The following ANKS1B variants were observed in gnomAD, a reference collection of about 807,000 sequenced individuals.
The protein encoded by ANKS1B is ankyrin repeat and sterile alpha motif domain-containing protein 1B.
Under a neutral mutation model 148.3 loss-of-function variants are expected in ANKS1B, and 36 were observed. That is an observed-to-expected ratio of 0.24 (90% confidence interval 0.19 to 0.32). The LOEUF (loss-of-function observed/expected upper bound fraction) is 0.32, where lower values mean the gene tolerates loss of function less well. Among genes scored for constraint, ANKS1B ranks in the 10% least tolerant of loss-of-function variants. The pLI is 1.00. For synonymous variants in ANKS1B, 542 were observed against 560.8 expected, an observed-to-expected ratio of 0.97 and a Z score of 0.47; for missense variants, 1,157 against 1,542.6, an observed-to-expected ratio of 0.75 and a Z score of 4.19.
At chr12:99,690,800 G>GGTGCACAGTGCAAGCTGTA (rs2098675195) in intron 8 of ANKS1B, among the ~76,000 whole-genome samples, 1 of 152,134 alleles carries the variant, frequency 6.6e-6, no homozygotes, top group South Asian at 2.1e-4. Context: ...CTATGATTCC[G>GGTGCACAGTGCAAGCTGTA]AGGTTTGGAG....
chr12:99,348,213 C>T (rs552440895), intron 12 of ANKS1B, among the ~76,000 whole-genome samples: 1 of 151,924 alleles, frequency 6.6e-6, no homozygotes, highest in East Asian at 1.9e-4. Flanking sequence ...TATCATTAAG[C>T]ATATCTACCT....
At chr12:99,605,482 C>A (rs1323575403) in intron 9 of ANKS1B, among the ~76,000 whole-genome samples, 1 of 151,982 alleles carries the variant, frequency 6.6e-6, no homozygotes, top group African/African-American at 2.4e-5. Context: ...CCTCATTTTC[C>A]TCTCCCCTCT....
At chr12:99,675,702 T>A (rs185899675) in intron 8 of ANKS1B, among the ~76,000 whole-genome samples, 1 of 152,072 alleles carries the variant, frequency 6.6e-6, no homozygotes, top group East Asian at 1.9e-4. Flanking sequence ...AAAGATTTTT[T>A]ACTCAAGGAT....
intron 2 of ANKS1B, among the ~76,000 whole-genome samples, chr12:99,823,413 C>T (rs569905433): frequency 2.6e-5 from 4 of 152,290 alleles, no homozygotes; most frequent in Non-Finnish European, 5.9e-5. Flanking sequence ...TCAAGCGATT[C>T]TCCTGCCTCA....
chr12:99,606,576 G>A (rs991110181), intron 9 of ANKS1B, among the ~76,000 whole-genome samples: 6 of 151,844 alleles, frequency 4.0e-5, no homozygotes, highest in African/African-American at 7.2e-5. Flanking sequence ...AAAAGAAGAC[G>A]CCAAAGTACA....
intron 10 of ANKS1B, among the ~76,000 whole-genome samples, chr12:99,444,655 C>T (rs2095607168): frequency 6.6e-6 from 1 of 151,818 alleles, no homozygotes; most frequent in Admixed American, 6.6e-5. Flanking sequence ...ATTTTAACAA[C>T]AATTTGGCAA....
At chr12:99,154,843 C>T in intron 14 of ANKS1B, 1 of 1,528,498 alleles carries the variant, frequency 6.5e-7, no homozygotes, top group Non-Finnish European at 8.7e-7. Flanking sequence ...CCTTGCTCCC[C>T]CTCGCTCGCT....
intron 15 of ANKS1B, among the ~76,000 whole-genome samples, chr12:99,149,621 G>C (rs2074292014): frequency 6.6e-6 from 1 of 152,090 alleles, no homozygotes; most frequent in Non-Finnish European, 1.5e-5. Context: ...CTCCCATTTT[G>C]ATTAGTTTAT....
At chr12:98,828,080 C>T (rs937420469) in intron 19 of ANKS1B, among the ~76,000 whole-genome samples, 1 of 152,062 alleles carries the variant, frequency 6.6e-6, no homozygotes, top group African/African-American at 2.4e-5. Flanking sequence ...TTTTCCATCC[C>T]CTTTCAATAA....
At chr12:99,182,471 C>T (rs1162597983) in intron 14 of ANKS1B, among the ~76,000 whole-genome samples, 1 of 152,182 alleles carries the variant, frequency 6.6e-6, no homozygotes, top group South Asian at 2.1e-4. Flanking sequence ...CCTGTTCCAT[C>T]GTTGTTGCTG....
At chr12:99,479,284 T>C (rs1412371135) in intron 10 of ANKS1B, among the ~76,000 whole-genome samples, 2 of 152,090 alleles carry the variant, frequency 1.3e-5, no homozygotes, top group African/African-American at 4.8e-5. Flanking sequence ...AAGAATTAAG[T>C]TGACTTTGAA....
intron 1 of ANKS1B, among the ~76,000 whole-genome samples, chr12:99,904,153 A>C (rs551968028): frequency 2.0e-5 from 3 of 151,304 alleles, no homozygotes; most frequent in African/African-American, 7.3e-5. Flanking sequence ...ACCTAAAAAC[A>C]TTATTTCACT....
At chr12:99,134,242 G>A (rs1418826258) in intron 15 of ANKS1B, among the ~76,000 whole-genome samples, 2 of 151,900 alleles carry the variant, frequency 1.3e-5, no homozygotes, top group Non-Finnish European at 2.9e-5. Flanking sequence ...TTAGATCCCA[G>A]TAAAAAAAGC....
rs746933942 is a variant in ANKS1B at position 99,655,879 on chromosome 12, A to G, written c.1129-669T>C. ...AGTAACTTTTGGATAACAGATGGGTATTACCTGACTTAGCAAACATGAGAA... is the reference window on the plus strand; with the variant it reads ...AGTAACTTTTGGATAACAGATGGGTGTTACCTGACTTAGCAAACATGAGAA... On this transcript the variant is annotated intron_variant, in intron 8 of 26. Coordinates refer to ENST00000683438, the MANE Select transcript of ANKS1B (RefSeq NM_001352186.2). Among the ~76,000 whole-genome samples the G allele has an allele frequency of 4.6e-5, 7 of 152,174 alleles. No homozygotes were observed. In the South Asian group the frequency reaches 8.3e-4, roughly 18 times the overall value.
At chr12:99,224,914 C>T (rs2085666459) in intron 14 of ANKS1B, among the ~76,000 whole-genome samples, 4 of 152,162 alleles carry the variant, frequency 2.6e-5, no homozygotes, top group Admixed American at 6.5e-5. Flanking sequence ...TTAGGTCATG[C>T]GTGTAATTTT....
At chr12:99,459,582 T>C (rs2095911981) in intron 10 of ANKS1B, among the ~76,000 whole-genome samples, 1 of 151,998 alleles carries the variant, frequency 6.6e-6, no homozygotes, top group African/African-American at 2.4e-5. Context: ...AAAATTAACA[T>C]ACACAAATCA....
intron 9 of ANKS1B, among the ~76,000 whole-genome samples, chr12:99,528,329 T>G (rs966586236): frequency 1.3e-5 from 2 of 151,104 alleles, no homozygotes; most frequent in Admixed American, 6.6e-5. Flanking sequence ...GATTTCCTGA[T>G]GAAGATGCCA....
At chr12:98,735,610 C>T (rs368892228) in exon 10 of ANKS1B, 32 of 773,568 alleles carry the variant, frequency 4.1e-5, no homozygotes, top group South Asian at 1.5e-4. Flanking sequence ...GGTTCCTGCC[C>T]GGTATGGCTG....
intron 10 of ANKS1B, among the ~76,000 whole-genome samples, chr12:99,473,099 C>T (rs577939998): frequency 1.2e-4 from 18 of 151,982 alleles, no homozygotes; most frequent in Non-Finnish European, 2.2e-4. Context: ...AGTTAATCAC[C>T]ATCCTGAAGT....
Sources: gnomAD v4.1 joint callset for allele counts (sites outside exome capture counted in the v4.1 genomes callset) on GRCh38, gnomAD v4.1.1 for gene constraint, MANE v1.5 for transcripts, NCBI Gene and HGNC (gene_info 2026-07-23, HGNC 2026-07-21) for gene names.